TDRD5: variants seen among roughly 807,000 people sequenced by gnomAD.
The protein encoded by TDRD5 is tudor domain-containing protein 5.
TDRD5 carries 41 observed loss-of-function variants against 120.6 expected under a neutral mutation model. The ratio of observed to expected loss-of-function variants is 0.34; its 90% CI spans 0.26 to 0.44. The LOEUF (loss-of-function observed/expected upper bound fraction) is 0.44. TDRD5 is among the 20% of genes least tolerant of loss of function. TDRD5 has a pLI of 1.00. For synonymous variants in TDRD5, 430 were observed against 433.7 expected, an observed-to-expected ratio of 0.99 and a Z score of 0.11; for missense variants, 1,006 against 1,221.2, an observed-to-expected ratio of 0.82 and a Z score of 2.63.
chr1:179,672,167 T>C (rs1679889020), intron 17 of TDRD5, among the ~76,000 whole-genome samples: 1 of 152,146 alleles, frequency 6.6e-6, no homozygotes, highest in Non-Finnish European at 1.5e-5. Flanking sequence ...ATGGTAGATC[T>C]TAGCTCTTTA....
Position 179,592,827 on chromosome 1 carries a change from G to A in TDRD5, c.212G>A (p.Gly71Asp), listed in dbSNP as rs762289070. The A allele has an allele frequency of 3.1e-6, 5 of 1,614,188 alleles. No homozygotes were observed. Among genetic ancestry groups the A allele is most frequent in the Non-Finnish European group, 4.2e-6 (5 of 1,180,030 alleles). Reference sequence around the variant, plus strand: ...GTTGTTCGTGTCTGCCCCGGTGCAGGTGGTACTGTAATACTGAAAGGTAGG... The same window carrying A: ...GTTGTTCGTGTCTGCCCCGGTGCAGATGGTACTGTAATACTGAAAGGTAGG... ...PDVVRVCPGA[G>D]GTVILKAIPD... Residue 71 changes from glycine (G) to aspartate (D), a missense_variant, in exon 2 of 18, where the codon GGT becomes GAT. Transcript: ENST00000444136.
intron 6 of TDRD5, among the ~76,000 whole-genome samples, chr1:179,623,225 A>G (rs935387978): frequency 1.2e-4 from 19 of 152,200 alleles, no homozygotes; most frequent in African/African-American, 4.6e-4. Flanking sequence ...ATGCTAAATA[A>G]TGTTCTTCAG....
intron 4 of TDRD5, among the ~76,000 whole-genome samples, chr1:179,599,606 A>G (rs542598598): frequency 6.6e-6 from 1 of 151,778 alleles, no homozygotes; most frequent in African/African-American, 2.4e-5. Context: ...AGGTTGTCAA[A>G]TTTATTGAAA....
intron 17 of TDRD5, among the ~76,000 whole-genome samples, chr1:179,681,841 TCA>T (rs1416855351): frequency 1.3e-5 from 2 of 149,138 alleles, no homozygotes; most frequent in Non-Finnish European, 1.5e-5. Context: ...TTTCTTACTC[TCA>T]GTCTTTACTG....
At position 179,618,667 on chromosome 1, in the gene TDRD5, A is replaced by G. The variant is rs1489528606; in HGVS notation, c.900A>G (p.Lys300=). 6.3e-7 allele frequency: 1 copy of G among 1,583,434 alleles called. No homozygotes were observed. The highest frequency in any genetic ancestry group is 1.8e-5 in the Admixed American group (1 of 54,186). ...GPGGTISSEL[K]HKIKFVVSKF... is the part of the protein sequence containing the mutation. Reference sequence around the variant, plus strand: ...GAGGAACTATCAGTTCAGAACTAAAACATAAGATAAAATTTGTAAGTAATT... The same window carrying G: ...GAGGAACTATCAGTTCAGAACTAAAGCATAAGATAAAATTTGTAAGTAATT... The change falls in exon 5 of 18, where the codon AAA becomes AAG. Residue 300 remains lysine (K), a synonymous_variant. Transcript: ENST00000444136.
At chr1:179,679,396 G>A (rs541920262) in intron 17 of TDRD5, among the ~76,000 whole-genome samples, 1 of 152,198 alleles carries the variant, frequency 6.6e-6, no homozygotes, top group East Asian at 1.9e-4. Flanking sequence ...GTTGGGAAGT[G>A]TTTCCTCCTC....
intron 17 of TDRD5, among the ~76,000 whole-genome samples, chr1:179,670,705 C>T (rs908284905): frequency 6.6e-6 from 1 of 152,134 alleles, no homozygotes; most frequent in Non-Finnish European, 1.5e-5. Flanking sequence ...ATTCATATAT[C>T]TTCTTTAGCT....
chr1:179,634,377 C>T, intron 7 of TDRD5, 80 bp from the exon 8 acceptor site: 1 of 1,432,582 alleles, frequency 7.0e-7, no homozygotes, highest in Admixed American at 2.3e-5. Flanking sequence ...GGTTGTATAG[C>T]TATTTTAACA....
chr1:179,623,513 A>G (rs1676945801), intron 6 of TDRD5, among the ~76,000 whole-genome samples: 2 of 152,100 alleles, frequency 1.3e-5, no homozygotes, highest in Non-Finnish European at 1.5e-5. Context: ...AGGACTGAAA[A>G]GGATGTATAT....
chr1:179,593,846 A>G lies in TDRD5; in HGVS notation c.619A>G (p.Lys207Glu), dbSNP rs757840371. ...LMLKKSVTEE[K>E]PRGCPAGKIF... The stretch of plus-strand genomic sequence containing the variant: ...GCTAAAGAAGAGTGTAACAGAGGAA[A>G]AGCCGAGAGGATGTCCAGCAGGTAC... Residue 207 changes from lysine (K) to glutamate (E), a missense_variant, in exon 3 of 18, where the codon AAG (lysine) becomes GAG (glutamate). By Grantham distance (56) the Lys-to-Glu change is moderately conservative. Around this residue, in one of 3 missense-constraint regions of TDRD5, gnomAD observed 445 missense variants for 515.5 expected, o/e 0.86. Transcript: ENST00000444136. 7 of 1,613,436 alleles carry G rather than the reference A, an allele frequency of 4.3e-6. No homozygotes were observed. In the South Asian group the frequency reaches 7.7e-5, roughly 18 times the overall value.
rs550907165 is a variant in TDRD5 at position 179,672,101 on chromosome 1, G to A, written c.2860+2697G>A. Among the ~76,000 whole-genome samples, 112 of 151,672 alleles carry A rather than the reference G, an allele frequency of 7.4e-4. 1 individual carries two copies. Among genetic ancestry groups the A allele is most frequent in the Non-Finnish European group, 1.4e-3 (94 of 67,896 alleles). ...AAATGTGTGTGCAAGTATCTTTTTC[G>A]TATAATGACTTCTTTTCCTCTAGGT... On this transcript the variant is annotated intron_variant, in intron 17 of 17. Coordinates refer to ENST00000444136, the MANE Select transcript of TDRD5 (RefSeq NM_001199085.3).
intron 11 of TDRD5, among the ~76,000 whole-genome samples, chr1:179,642,933 C>T (rs1015140423): frequency 6.6e-6 from 1 of 152,170 alleles, no homozygotes; most frequent in Admixed American, 6.5e-5. Flanking sequence ...TGAGAATCTG[C>T]AGTCTTGCTG....
chr1:179,634,479 A>T lies in TDRD5; in HGVS notation c.1149A>T (p.Glu383Asp), dbSNP rs1173181754. ...TAGTTCAGTCAGATAAGAAAATAGA[A>T]GCCAAAGCTTGTGTCTCCAGTCCAC... The part of the protein sequence containing the change: ...LPPVQSDKKI[E>D]AKACVSSPPR... Residue 383 changes from glutamate to aspartate, a missense_variant, in exon 8 of 18, where the codon GAA (glutamate) becomes GAT (aspartate). Transcript: ENST00000444136. 1 of 1,598,954 alleles carries T rather than the reference A, an allele frequency of 6.3e-7. No individual in the cohort carries two copies. Among genetic ancestry groups the T allele is most frequent in the Non-Finnish European group, 8.5e-7 (1 of 1,176,548 alleles).
chr1:179,632,286 A>G (rs988830449), intron 7 of TDRD5, among the ~76,000 whole-genome samples: 2 of 152,078 alleles, frequency 1.3e-5, no homozygotes, highest in African/African-American at 4.8e-5. Context: ...ACACTATGAT[A>G]CCATGTACCT....
chr1:179,594,695 A>G (rs180743393), intron 3 of TDRD5, among the ~76,000 whole-genome samples: 180 of 152,374 alleles, frequency 1.2e-3, no homozygotes, highest in Non-Finnish European at 2.1e-3. Flanking sequence ...CTGCATTTAG[A>G]TTAACATAGG....
At chr1:179,676,319 C>CT (rs1680146658) in intron 17 of TDRD5, among the ~76,000 whole-genome samples, 1 of 152,148 alleles carries the variant, frequency 6.6e-6, no homozygotes, top group Non-Finnish European at 1.5e-5. Context: ...AGTTCTGTAT[C>CT]TTTTAAGTGG....
At chr1:179,647,808 AAAG>A (rs1328860621) in intron 11 of TDRD5, among the ~76,000 whole-genome samples, 1 of 147,818 alleles carries the variant, frequency 6.8e-6, no homozygotes, top group Non-Finnish European at 1.5e-5. Flanking sequence ...ACACTTCTCA[AAAG>A]AAGACATTTA....
At position 179,640,026 on chromosome 1, in the gene TDRD5, C is replaced by G; in HGVS notation, c.1708C>G (p.Gln570Glu). Residue 570 changes from glutamine (Q) to glutamate (E), a missense_variant, in exon 10 of 18, where the codon CAG (glutamine) becomes GAG (glutamate). By Grantham distance (29) the Gln-to-Glu change is conservative. Coordinates refer to ENST00000444136, the MANE Select transcript of TDRD5 (RefSeq NM_001199085.3). ...YPDFGNIGIV[Q>E]KSSLRFLKCC... Reference sequence around the variant, plus strand: ...AGACTTTGGAAATATTGGAATTGTTCAGAAGTCCTCCCTGAGGTTCCTCAA... The same window carrying G: ...AGACTTTGGAAATATTGGAATTGTTGAGAAGTCCTCCCTGAGGTTCCTCAA... The G allele has an allele frequency of 1.2e-6, 2 of 1,614,076 alleles. No homozygotes were observed. Among genetic ancestry groups the G allele is most frequent in the Non-Finnish European group, 1.7e-6 (2 of 1,179,992 alleles).
intron 14 of TDRD5, among the ~76,000 whole-genome samples, chr1:179,655,404 C>CT (rs1332148591): frequency 7.9e-5 from 12 of 152,140 alleles, no homozygotes; most frequent in South Asian, 2.1e-4. Flanking sequence ...ACTGTTACAC[C>CT]TTTTTTTCCC....
Sources: gnomAD v4.1 joint callset for allele counts (sites outside exome capture counted in the v4.1 genomes callset) on GRCh38, gnomAD v4.1.1 for gene constraint, gnomAD v4.1.1 regional missense constraint, MANE v1.5 for transcripts, NCBI Gene and HGNC (gene_info 2026-07-23, HGNC 2026-07-21) for gene names.